Variants in LYZL1 observed in about 807,000 individuals in gnomAD.
LYZL1 encodes lysozyme like 1.
A neutral mutation model predicts 17.9 loss-of-function variants in LYZL1; 16 were observed. The observed-to-expected ratio is 0.90, with a 90% CI of 0.61 to 1.36. The LOEUF is 1.36. Ranked by LOEUF, LYZL1 falls within the 40% of genes most tolerant of loss-of-function variation. LYZL1 has a pLI of 0.00. For synonymous variants in LYZL1, 58 were observed against 71.8 expected (o/e 0.81, Z 0.97); for missense variants, 149 against 188.4 (o/e 0.79, Z 1.22).
At chr10:29,290,819 A>G (rs2132811695) in intron 1 of LYZL1, among the ~76,000 whole-genome samples, 1 of 151,470 alleles carries the variant, frequency 6.6e-6, no homozygotes, top group East Asian at 1.9e-4. Context: ...AGCCTGGACA[A>G]CAGAGTGAGA....
intron 3 of LYZL1, among the ~76,000 whole-genome samples, chr10:29,297,740 A>G (rs1406640220): frequency 6.6e-6 from 1 of 152,220 alleles, no homozygotes. Context: ...CTTGGAATGT[A>G]TCCCCCTTGG....
At chr10:29,291,231 C>A (rs1191271440) in intron 1 of LYZL1, among the ~76,000 whole-genome samples, 1 of 152,138 alleles carries the variant, frequency 6.6e-6, no homozygotes, top group Admixed American at 6.5e-5. Flanking sequence ...GTACTGGATT[C>A]TTACAATAAA....
chr10:29,299,555 G>A (rs938655789), intron 3 of LYZL1, among the ~76,000 whole-genome samples: 1 of 152,132 alleles, frequency 6.6e-6, no homozygotes, highest in African/African-American at 2.4e-5. Context: ...TATCATTTTA[G>A]TTTTGTCTAT....
At chr10:29,293,134 C>CTTTTTTTTTTTTTTTTTT (rs11453474) in intron 3 of LYZL1, among the ~76,000 whole-genome samples, 6 of 121,048 alleles carry the variant, frequency 5.0e-5, no homozygotes, top group East Asian at 2.4e-4. Flanking sequence ...TTTCTTTTTT[C>CTTTTTTTTTTTTTTTTTT]TTTTTTTTTT....
At chr10:29,300,944 C>G (rs1835509105) in intron 3 of LYZL1, among the ~76,000 whole-genome samples, 1 of 152,022 alleles carries the variant, frequency 6.6e-6, no homozygotes, top group Non-Finnish European at 1.5e-5. Context: ...ACCTTAGCCT[C>G]CCGAGTAGCT....
chr10:29,311,273 AC>A, downstream of LYZL1: 1 of 1,394,892 alleles, frequency 7.2e-7, no homozygotes, highest in Non-Finnish European at 9.3e-7. Context: ...TGGTGTTAAG[AC>A]TTGAAAAATC....
rs576378150 is a variant in LYZL1 at position 29,311,101 on chromosome 10, A to G, written c.*42A>G. On this transcript the variant is annotated 3_prime_UTR_variant, in exon 5 of 5. Coordinates refer to ENST00000649382, the MANE Select transcript of LYZL1 (RefSeq NM_032517.6). ...GGATGCTTTGCAGCAACGCCCTAGG[A>G]TTTGCAGTGAATGTCCAAATGCCTG... is the stretch of plus-strand genomic sequence containing the variant. 6.3e-5 allele frequency: 101 copies of G among 1,614,040 alleles called. 1 individual carries two copies. Among genetic ancestry groups the G allele is most frequent in the South Asian group, 5.5e-4 (50 of 91,080 alleles).
rs186072652 is a variant in LYZL1, at chr10:29,301,156, G to A, written c.298+8479G>A. Among the ~76,000 whole-genome samples the A allele has an allele frequency of 4.2e-3, 639 of 152,272 alleles. 6 individuals are homozygous for A. Among genetic ancestry groups the A allele is most frequent in the African/African-American group, 0.014 (587 of 41,548 alleles). On this transcript the variant is annotated intron_variant, in intron 3 of 4. Transcript: ENST00000649382. ...TTTCCGGCACTGTTCTCTTGATAGT[G>A]AATGAGTCTCACAAGATCTGATGGT...
intron 3 of LYZL1, among the ~76,000 whole-genome samples, chr10:29,309,723 T>C (rs1835644978): frequency 6.6e-6 from 1 of 152,152 alleles, no homozygotes; most frequent in Non-Finnish European, 1.5e-5. Context: ...CTCAAACTCC[T>C]GGCCTCAAGG....
chr10:29,310,501 G>GAA (rs59411669), intron 4 of LYZL1, among the ~76,000 whole-genome samples: 2 of 141,910 alleles, frequency 1.4e-5, no homozygotes, highest in Admixed American at 7.1e-5. Context: ...TTCGAGAGAG[G>GAA]AAAAAAAAAA....
intron 3 of LYZL1, among the ~76,000 whole-genome samples, chr10:29,303,064 C>G (rs1230245570): frequency 6.6e-6 from 1 of 152,150 alleles, no homozygotes; most frequent in Non-Finnish European, 1.5e-5. Flanking sequence ...TGTCTTCCAG[C>G]CCCGCGAGGT....
chr10:29,314,219 G>T (rs904234614), downstream of LYZL1, among the ~76,000 whole-genome samples: 12 of 152,264 alleles, frequency 7.9e-5, no homozygotes, highest in Middle Eastern at 3.4e-3. Context: ...ACACATGGCT[G>T]GTGTGTGCTG....
Position 29,311,048 on chromosome 10 carries a change from G to A in LYZL1, c.436G>A (p.Glu146Lys). 6.2e-7 allele frequency: 1 copy of A among 1,614,226 alleles called. No homozygotes were observed. The highest frequency in any genetic ancestry group is 8.5e-7 in the Non-Finnish European group (1 of 1,180,046). The change falls in exon 5 of 5, where the codon GAG becomes AAG. Residue 146 changes from glutamate (E) to lysine (K), a missense_variant. Physicochemically the swap from Glu to Lys is moderately conservative, Grantham distance 56. Around this residue, in one of 2 missense-constraint regions of LYZL1, gnomAD observed 130 missense variants for 132.5 expected, o/e 0.98. Transcript: ENST00000649382. The part of the protein sequence containing the change: ...RDLSEWKKGC[E>K]VS ...CCTGTCCGAGTGGAAAAAAGGCTGTGAGGTTTCCTAAACTGGAACTGGACC... is the reference window on the plus strand; with the variant it reads ...CCTGTCCGAGTGGAAAAAAGGCTGTAAGGTTTCCTAAACTGGAACTGGACC...
downstream of LYZL1, among the ~76,000 whole-genome samples, chr10:29,313,357 C>A (rs988677401): frequency 3.9e-5 from 6 of 152,228 alleles, no homozygotes; most frequent in African/African-American, 1.2e-4. Flanking sequence ...TGTTAGTCAT[C>A]TGCCTTGCAG....
downstream of LYZL1, chr10:29,311,319 G>T: frequency 8.6e-7 from 1 of 1,165,656 alleles, no homozygotes; most frequent in Admixed American, 3.6e-5. Context: ...AAAAAACAAA[G>T]CTCCCTTCTT....
chr10:29,313,979 T>C (rs1202253459), downstream of LYZL1, among the ~76,000 whole-genome samples: 1 of 152,222 alleles, frequency 6.6e-6, no homozygotes, highest in Non-Finnish European at 1.5e-5. Context: ...AGCATCTGGC[T>C]CTTTGAATCC....
chr10:29,314,399 G>A (rs1439500763), downstream of LYZL1, among the ~76,000 whole-genome samples: 3 of 152,136 alleles, frequency 2.0e-5, no homozygotes, highest in South Asian at 4.1e-4. Context: ...AGGCCAAGAC[G>A]GGAGGATCAC....
downstream of LYZL1, among the ~76,000 whole-genome samples, chr10:29,311,449 C>A (rs1835671430): frequency 6.6e-6 from 1 of 152,048 alleles, no homozygotes; most frequent in Non-Finnish European, 1.5e-5. Context: ...AGGTTAGGAA[C>A]TAGGAGCACC....
intron 3 of LYZL1, among the ~76,000 whole-genome samples, chr10:29,296,547 A>G (rs1835448589): frequency 6.6e-6 from 1 of 152,190 alleles, no homozygotes; most frequent in African/African-American, 2.4e-5. Context: ...TTTTTCCTCT[A>G]GACGAGTAAA....
Sources: gnomAD v4.1 joint callset for allele counts (sites outside exome capture counted in the v4.1 genomes callset) on GRCh38, gnomAD v4.1.1 for gene constraint, gnomAD v4.1.1 regional missense constraint, MANE v1.5 for transcripts, NCBI Gene and HGNC (gene_info 2026-07-23, HGNC 2026-07-21) for gene names.